The following CLASP2 variants were observed in gnomAD, a reference collection of about 807,000 sequenced individuals.
The protein encoded by CLASP2 is CLIP-associating protein 2.
A neutral mutation model predicts 194.4 loss-of-function variants in CLASP2; 47 were observed. That is an observed-to-expected ratio of 0.24 (90% confidence interval 0.19 to 0.31). CLASP2 has a LOEUF of 0.31. Among genes scored for constraint, CLASP2 ranks in the 10% least tolerant of loss-of-function variants. The pLI is 1.00. For missense variants in CLASP2, 1,445 were observed against 1,823.6 expected (o/e 0.79, Z 3.78); for synonymous variants, 619 against 633.5 (o/e 0.98, Z 0.34).
chr3:33,536,250 C>G (rs1245596512), intron 33 of CLASP2, among the ~76,000 whole-genome samples: 1 of 121,782 alleles, frequency 8.2e-6, no homozygotes, highest in African/African-American at 3.1e-5. Flanking sequence ...AGTGGAGGGA[C>G]AGACCAAAAA....
At chr3:33,588,997 G>A (rs372998148) in intron 21 of CLASP2, among the ~76,000 whole-genome samples, 13 of 152,210 alleles carry the variant, frequency 8.5e-5, no homozygotes, top group Non-Finnish European at 1.9e-4. Context: ...GACTGCAACA[G>A]TAAATGTAAA....
rs1041662254 is a variant in CLASP2, at chr3:33,498,917, A to G, written c.4435-200T>C. 5.9e-5 allele frequency among the ~76,000 whole-genome samples: 9 copies of G among 152,220 alleles called. No individual in the cohort carries two copies. The South Asian group carries it at 1.9e-3, about 32-fold the overall frequency. On this transcript the variant is annotated intron_variant, in intron 38 of 38. Coordinates refer to ENST00000682230, the MANE Select transcript of CLASP2 (RefSeq NM_001365631.1). ...CCTAGCACATCTGAAAAAAATATAA[A>G]AAGTCAAAAAAGTTTCTAAGTCTTG...
chr3:33,593,079 A>G (rs888705493), intron 20 of CLASP2, among the ~76,000 whole-genome samples: 6 of 152,188 alleles, frequency 3.9e-5, no homozygotes, highest in African/African-American at 1.4e-4. Flanking sequence ...TACATATCAC[A>G]TAAGAGTTAG....
At chr3:33,593,435 C>A (rs1232794557) in intron 20 of CLASP2, among the ~76,000 whole-genome samples, 2 of 151,912 alleles carry the variant, frequency 1.3e-5, no homozygotes, top group East Asian at 3.9e-4. Context: ...TACTGGCTAG[C>A]CCAATATGAC....
At chr3:33,689,014 C>T (rs184510279) in intron 3 of CLASP2, among the ~76,000 whole-genome samples, 1 of 152,120 alleles carries the variant, frequency 6.6e-6, no homozygotes, top group East Asian at 1.9e-4. Context: ...ATCCTTTCTC[C>T]ACATTTGGAA....
At chr3:33,637,715 C>G (rs1276049628) in intron 8 of CLASP2, among the ~76,000 whole-genome samples, 1 of 152,120 alleles carries the variant, frequency 6.6e-6, no homozygotes, top group African/African-American at 2.4e-5. Context: ...GAAAAAAATG[C>G]AAATTAACGA....
chr3:33,678,301 G>T (rs775647534), intron 6 of CLASP2, among the ~76,000 whole-genome samples: 2 of 151,742 alleles, frequency 1.3e-5, no homozygotes, highest in Non-Finnish European at 2.9e-5. Flanking sequence ...AATGACAAAA[G>T]AACTACACTT....
intron 14 of CLASP2, among the ~76,000 whole-genome samples, chr3:33,607,880 C>T (rs986040898): frequency 4.6e-5 from 7 of 152,034 alleles, no homozygotes; most frequent in South Asian, 2.1e-4. Flanking sequence ...CACAGAAGAA[C>T]GCAAAGAAAA....
intron 37 of CLASP2, among the ~76,000 whole-genome samples, chr3:33,510,038 G>A (rs1362407404): frequency 1.3e-5 from 2 of 152,086 alleles, no homozygotes; most frequent in African/African-American, 4.8e-5. Context: ...ATACATAAAT[G>A]GCATATTATT....
intron 7 of CLASP2, among the ~76,000 whole-genome samples, chr3:33,652,804 T>A (rs1015861413): frequency 6.6e-6 from 1 of 152,158 alleles, no homozygotes; most frequent in African/African-American, 2.4e-5. Flanking sequence ...CCAATCCCAG[T>A]AAATAACGTC....
At chr3:33,607,973 A>T (rs1015616177) in intron 14 of CLASP2, among the ~76,000 whole-genome samples, 1 of 152,256 alleles carries the variant, frequency 6.6e-6, no homozygotes, top group South Asian at 2.1e-4. Context: ...TTTCCATGAA[A>T]ATGAAAAATC....
At chr3:33,509,451 G>C (rs571137749) in intron 37 of CLASP2, among the ~76,000 whole-genome samples, 2 of 152,254 alleles carry the variant, frequency 1.3e-5, no homozygotes, top group African/African-American at 4.8e-5. Flanking sequence ...CCGACCTCAG[G>C]TGATCTGCCC....
intron 34 of CLASP2, among the ~76,000 whole-genome samples, chr3:33,532,716 A>G (rs2056588134): frequency 6.6e-6 from 1 of 152,136 alleles, no homozygotes. Flanking sequence ...TTTTTTAGAG[A>G]CAGAATCTCA....
intron 6 of CLASP2, among the ~76,000 whole-genome samples, chr3:33,671,845 A>G (rs1016362543): frequency 5.9e-5 from 9 of 152,156 alleles, no homozygotes; most frequent in Non-Finnish European, 1.5e-5. Flanking sequence ...GATTGCTAGC[A>G]CAGCAGTCTG....
Position 33,696,897 on chromosome 3 carries a change from C to A in CLASP2, c.232G>T (p.Val78Leu). ...LMGLEILSAF[V>L]DRLSTRFKSY... ...TTAAAGCGTGTTGATAATCTGTCCA[C>A]AAAGGCACTTAAAATTTCCAATCCC... Residue 78 changes from valine (V) to leucine (L), a missense_variant, in exon 2 of 39, where the codon GTG (valine) becomes TTG (leucine). Around this residue, in one of 4 missense-constraint regions of CLASP2, gnomAD observed 332 missense variants for 325.3 expected, o/e 1.02. Coordinates refer to ENST00000682230, the MANE Select transcript of CLASP2 (RefSeq NM_001365631.1). 2.5e-6 allele frequency: 4 copies of A among 1,596,976 alleles called. No individual in the cohort carries two copies. Among genetic ancestry groups the A allele is most frequent in the South Asian group, 1.1e-5 (1 of 88,250 alleles).
At chr3:33,592,103 TG>T in intron 21 of CLASP2, 1 of 647,298 alleles carries the variant, frequency 1.5e-6, no homozygotes, top group Non-Finnish European at 2.8e-6. Flanking sequence ...TCTTTGTAAG[TG>T]GCAGATATCA....
chr3:33,602,630 G>A, intron 18 of CLASP2: 1 of 734,504 alleles, frequency 1.4e-6, no homozygotes, highest in Non-Finnish European at 2.5e-6. Flanking sequence ...AAACAGGAAA[G>A]TTAGATACAA....
intron 22 of CLASP2, 36 bp downstream of exon 22, chr3:33,584,714 T>A: frequency 6.7e-7 from 1 of 1,499,550 alleles, no homozygotes. Flanking sequence ...AAAAAAGGGT[T>A]ACATGTCTCA....
intron 25 of CLASP2, among the ~76,000 whole-genome samples, chr3:33,572,121 T>G (rs1560092086): frequency 6.6e-6 from 1 of 152,244 alleles, no homozygotes; most frequent in Non-Finnish European, 1.5e-5. Flanking sequence ...CCTTGCCATT[T>G]AAAATGACCA....
Sources: gnomAD v4.1 joint callset for allele counts (sites outside exome capture counted in the v4.1 genomes callset) on GRCh38, gnomAD v4.1.1 for gene constraint, gnomAD v4.1.1 regional missense constraint, MANE v1.5 for transcripts, NCBI Gene and HGNC (gene_info 2026-07-23, HGNC 2026-07-21) for gene names.